FYB1: variants seen among roughly 807,000 people sequenced by gnomAD.
The protein encoded by FYB1 is FYN binding protein 1, also known as FYN-binding protein 1.
FYB1 carries 41 observed loss-of-function variants against 94.1 expected under a neutral mutation model. The observed-to-expected ratio is 0.44, with a 90% CI of 0.34 to 0.57. The LOEUF (loss-of-function observed/expected upper bound fraction) is 0.57, where lower values mean the gene tolerates loss of function less well. Among genes scored for constraint, FYB1 ranks in the 20% least tolerant of loss-of-function variants. The pLI, the probability that FYB1 is intolerant of heterozygous loss-of-function variation, is 0.02. For missense variants in FYB1, 1,050 were observed against 976.8 expected (o/e 1.07, Z -1.00); for synonymous variants, 367 against 353.2 (o/e 1.04, Z -0.44).
intron 1 of FYB1, chr5:39,269,837 AAGAC>A (rs2111763065): frequency 6.6e-6 from 1 of 152,334 alleles, no homozygotes; most frequent in Admixed American, 6.5e-5. Context: ...ATAGCAGACA[AAGAC>A]AGAAAATTAG....
chr5:39,183,136 C>T (rs1376631115), intron 2 of FYB1, among the ~76,000 whole-genome samples: 1 of 152,058 alleles, frequency 6.6e-6, no homozygotes, highest in Non-Finnish European at 1.5e-5. Flanking sequence ...GCTTCTCCTG[C>T]CTCAGCCTCC....
intron 1 of FYB1, among the ~76,000 whole-genome samples, chr5:39,233,947 G>A (rs945861621): frequency 6.6e-6 from 1 of 152,102 alleles, no homozygotes; most frequent in Non-Finnish European, 1.5e-5. Flanking sequence ...GCCTGAAAGG[G>A]ACTTGATGAC....
chr5:39,263,170 T>C (rs896389329), intron 1 of FYB1, among the ~76,000 whole-genome samples: 3 of 152,108 alleles, frequency 2.0e-5, no homozygotes, highest in Admixed American at 1.3e-4. Flanking sequence ...GGAAGTGATA[T>C]TGAAGTTGCC....
chr5:39,251,354 C>T (rs988541726), intron 1 of FYB1, among the ~76,000 whole-genome samples: 2 of 152,090 alleles, frequency 1.3e-5, no homozygotes, highest in Admixed American at 6.5e-5. Flanking sequence ...ATGGTAACAA[C>T]AAAAATATAA....
At chr5:39,268,886 A>G (rs1752551626) in intron 1 of FYB1, among the ~76,000 whole-genome samples, 1 of 151,964 alleles carries the variant, frequency 6.6e-6, no homozygotes, top group Non-Finnish European at 1.5e-5. Context: ...ATTATAAGAA[A>G]ACAATAATCT....
Position 39,122,904 on chromosome 5 carries a change from A to T in FYB1, c.2072-502T>A, listed in dbSNP as rs1740264548. On this transcript the variant is annotated intron_variant, in intron 13 of 18. Coordinates refer to ENST00000512982, the MANE Select transcript of FYB1 (RefSeq NM_001465.6). The stretch of plus-strand genomic sequence containing the variant: ...CCGTTACCTTTTACCTTACAGTGAT[A>T]TTAGGAGTGGCACCACCTTTAAATG... Among the ~76,000 whole-genome samples the T allele has an allele frequency of 2.6e-5, 4 of 152,074 alleles. No individual in the cohort carries two copies. In the South Asian group the frequency reaches 8.3e-4, roughly 31 times the overall value.
Position 39,107,227 on chromosome 5 carries a change from A to C in FYB1, c.*216T>G, listed in dbSNP as rs1010962812. On this transcript the variant is annotated 3_prime_UTR_variant, in exon 19 of 19. Transcript: ENST00000512982. ...AAATGGAATATTTAATAATTCTTAC[A>C]TCTCACTAATGTAGTCTTCTGAGTT... The C allele has an allele frequency of 2.0e-5, 7 of 348,526 alleles. No individual in the cohort carries two copies. The highest frequency in any genetic ancestry group is 1.5e-4 in the African/African-American group (7 of 46,742). 21.6% of individuals were successfully genotyped at this position (348,526 alleles called of 1,614,324 possible). A position where few individuals can be genotyped will look rare whatever the true frequency, so the allele number is the denominator to read the frequency against.
At chr5:39,245,128 T>G (rs916799846) in intron 1 of FYB1, among the ~76,000 whole-genome samples, 11 of 152,164 alleles carry the variant, frequency 7.2e-5, no homozygotes, top group African/African-American at 2.4e-4. Flanking sequence ...ATGAGTTATG[T>G]GTCTGTTGTA....
Position 39,219,354 on chromosome 5 carries a change from G to A in FYB1, c.-28+89C>T, listed in dbSNP as rs965099922. On this transcript the variant is annotated intron_variant, in intron 1 of 18. Coordinates refer to ENST00000512982, the MANE Select transcript of FYB1 (RefSeq NM_001465.6). Reference sequence around the variant, plus strand: ...TTCAGTTATTCAGCTAGCACAGTCTGTGCTGCCAGAATTTGGAAGTGGTGC... The same window carrying A: ...TTCAGTTATTCAGCTAGCACAGTCTATGCTGCCAGAATTTGGAAGTGGTGC... 7.5e-6 allele frequency: 6 copies of A among 804,482 alleles called. No individual in the cohort carries two copies. In the African/African-American group the frequency reaches 9.3e-5, roughly 13 times the overall value. The allele number at this position is 804,482 out of a possible 1,614,324, so 49.8% of individuals were successfully genotyped here.
intron 16 of FYB1, among the ~76,000 whole-genome samples, chr5:39,117,081 T>TA (rs935997745): frequency 3.3e-5 from 5 of 152,128 alleles, no homozygotes; most frequent in African/African-American, 1.2e-4. Context: ...TTCTCTCTTG[T>TA]AAAAAATGTG....
intron 2 of FYB1, among the ~76,000 whole-genome samples, chr5:39,157,467 A>T (rs1351145115): frequency 6.6e-6 from 1 of 152,214 alleles, no homozygotes; most frequent in Non-Finnish European, 1.5e-5. Context: ...GAAAGCAGGG[A>T]TGTAAACATT....
chr5:39,177,299 C>CTCT (rs1398894443), intron 2 of FYB1, among the ~76,000 whole-genome samples: 2 of 152,138 alleles, frequency 1.3e-5, no homozygotes, highest in Non-Finnish European at 2.9e-5. Context: ...CTAGAGAGGA[C>CTCT]TCTATTTCCT....
intron 10 of FYB1, among the ~76,000 whole-genome samples, chr5:39,129,586 T>C (rs1391005588): frequency 6.6e-6 from 1 of 151,936 alleles, no homozygotes; most frequent in Non-Finnish European, 1.5e-5. Flanking sequence ...ATTCAGAATA[T>C]ACAAAAACTC....
At position 39,118,867 on chromosome 5, in the gene FYB1, G is replaced by T; in HGVS notation, c.2401+7C>A. 6.8e-7 allele frequency: 1 copy of T among 1,469,302 alleles called. No homozygotes were observed. The highest frequency in any genetic ancestry group is 9.1e-7 in the Non-Finnish European group (1 of 1,097,388). 91.0% of individuals were successfully genotyped at this position (1,469,302 alleles called of 1,614,324 possible). A position where few individuals can be genotyped will look rare whatever the true frequency, so the allele number is the denominator to read the frequency against. On this transcript the variant is annotated splice_region_variant and intron_variant, in intron 16 of 18. Coordinates refer to ENST00000512982, the MANE Select transcript of FYB1 (RefSeq NM_001465.6). ...ATGCACATATTATAGTATAAGCAGT[G>T]ACTTACATTTCCCTTCTTCATTTCT...
rs775357396 is a variant in FYB1, at chr5:39,122,372, T to G, written c.2102A>C (p.Asp701Ala). The change falls in exon 14 of 19, where the codon GAT becomes GCT. Residue 701 changes from aspartate to alanine, a missense_variant. Coordinates refer to ENST00000512982, the MANE Select transcript of FYB1 (RefSeq NM_001465.6). ...TGATGAAACAGGGAAATCAGAGGTA[T>G]CCACATCATCGTAAACTTCATCTCC... ...DMGDEVYDDV[D>A]TSDFPVSSAE... is the part of the protein sequence containing the mutation. 29 of 1,581,198 alleles carry G rather than the reference T, an allele frequency of 1.8e-5. No homozygotes were observed. The South Asian group carries it at 3.3e-4, about 18-fold the overall frequency.
At chr5:39,163,034 A>G (rs912206180) in intron 2 of FYB1, among the ~76,000 whole-genome samples, 1 of 152,212 alleles carries the variant, frequency 6.6e-6, no homozygotes, top group African/African-American at 2.4e-5. Flanking sequence ...CAATACAAAC[A>G]TATTAGTAGA....
chr5:39,149,607 C>T (rs915849492), intron 3 of FYB1, among the ~76,000 whole-genome samples: 2 of 151,338 alleles, frequency 1.3e-5, no homozygotes, highest in African/African-American at 4.9e-5. Context: ...TGTCCAATTC[C>T]TCTCCTTTCA....
chr5:39,242,992 T>C (rs10060767), intron 1 of FYB1, among the ~76,000 whole-genome samples: 24,138 of 151,652 alleles, frequency 0.16, 5,080 homozygotes, highest in African/African-American at 0.47. Context: ...GGGTTGTTTG[T>C]TTATTTCTTG....
intron 1 of FYB1, among the ~76,000 whole-genome samples, chr5:39,229,517 G>A (rs1456242406): frequency 3.9e-5 from 6 of 152,208 alleles, no homozygotes; most frequent in African/African-American, 1.4e-4. Flanking sequence ...TGAGTTGGGG[G>A]TACATCCTTT....
Sources: allele counts gnomAD v4.1 joint callset (sites outside exome capture counted in the v4.1 genomes callset), GRCh38; gene constraint gnomAD v4.1.1; transcripts MANE v1.5; gene names NCBI Gene and HGNC (gene_info 2026-07-23, HGNC 2026-07-21).